C17orf75: variants seen among roughly 807,000 people sequenced by gnomAD.
The protein encoded by C17orf75 is protein Njmu-R1.
Under a neutral mutation model 49.6 loss-of-function variants are expected in C17orf75, and 32 were observed. The observed-to-expected ratio is 0.65, with a 90% CI of 0.49 to 0.87. The LOEUF is 0.87. C17orf75 is among the 40% of genes least tolerant of loss of function. C17orf75 has a pLI of 0.00. For missense variants in C17orf75, 428 were observed against 473.9 expected (o/e 0.90, Z 0.90); for synonymous variants, 158 against 159.5 (o/e 0.99, Z 0.07).
intron 1 of C17orf75, among the ~76,000 whole-genome samples, chr17:32,348,214 G>A (rs1421007307): frequency 2.6e-5 from 4 of 151,864 alleles, no homozygotes; most frequent in Non-Finnish European, 4.4e-5. Flanking sequence ...GTAAAGACCG[G>A]GTTTCACCAT....
At position 32,331,285 on chromosome 17, in the gene C17orf75, T is replaced by C. The variant is rs1386199929; in HGVS notation, c.*478A>G. ...GTTATCAACTAGACAAAAAAATGTA[T>C]CAAGCACCCACAGGATGCACAGATC... is the stretch of plus-strand genomic sequence containing the variant. On this transcript the variant is annotated 3_prime_UTR_variant, in exon 10 of 10. Coordinates refer to ENST00000577809, the MANE Select transcript of C17orf75 (RefSeq NM_022344.4). 6.5e-6 allele frequency: 1 copy of C among 153,450 alleles called. No homozygotes were observed. The allele number at this position is 153,450 out of a possible 1,614,324, so 9.5% of individuals were successfully genotyped here. A position where few individuals can be genotyped will look rare whatever the true frequency, so the allele number is the denominator to read the frequency against.
rs750868562 is a variant in C17orf75 at position 32,333,517 on chromosome 17, C to T, written c.875G>A (p.Ser292Asn). 1 of 1,608,656 alleles carries T rather than the reference C, an allele frequency of 6.2e-7. No individual in the cohort carries two copies. The highest frequency in any genetic ancestry group is 8.5e-7 in the Non-Finnish European group (1 of 1,177,434). Residue 292 changes from serine (S) to asparagine (N), a missense_variant, in exon 9 of 10, where the codon AGT becomes AAT. Coordinates refer to ENST00000577809, the MANE Select transcript of C17orf75 (RefSeq NM_022344.4). The stretch of plus-strand genomic sequence containing the variant: ...CATCCAATCCTCACAAAACCGGTTA[C>T]TTCCTATAAAACATTTCAGAGAGAC... Reference protein sequence around the residue: ...SSQPQFCNAGSNRFCEDWMQA... With the variant: ...SSQPQFCNAGNNRFCEDWMQA...
chr17:32,332,803 C>A (rs919969017), intron 9 of C17orf75, among the ~76,000 whole-genome samples: 4 of 151,982 alleles, frequency 2.6e-5, no homozygotes, highest in African/African-American at 9.7e-5. Context: ...GGTGACAACA[C>A]GTCCCCATCA....
chr17:32,343,746 T>G, upstream of C17orf75: 1 of 615,810 alleles, frequency 1.6e-6, no homozygotes, highest in African/African-American at 1.8e-5. Context: ...TCCTTATCTC[T>G]CATTTCAACT....
chr17:32,342,185 C>A (rs2041389017), upstream of C17orf75: 9 of 1,486,668 alleles, frequency 6.1e-6, no homozygotes, highest in East Asian at 2.5e-4. Flanking sequence ...AACCGCTCCC[C>A]TGCTCCCGTG....
rs2041255138 is a variant in C17orf75 at position 32,329,100 on chromosome 17, T to A, written c.*2663A>T. The A allele has an allele frequency of 6.6e-6, 1 of 151,336 alleles. No individual in the cohort carries two copies. Among genetic ancestry groups the A allele is most frequent in the Admixed American group, 6.6e-5 (1 of 15,152 alleles). The allele number at this position is 151,336 out of a possible 1,614,324, so 9.4% of individuals were successfully genotyped here. On this transcript the variant is annotated 3_prime_UTR_variant, in exon 10 of 10. Transcript: ENST00000577809. ...TTTTTTTTTTGAGACGGAGTCTCGCTCTGTCGCCCAGGCTTGAGTGCAGTG... is the reference window on the plus strand; with the variant it reads ...TTTTTTTTTTGAGACGGAGTCTCGCACTGTCGCCCAGGCTTGAGTGCAGTG...
upstream of C17orf75, among the ~76,000 whole-genome samples, chr17:32,343,305 GTT>G (rs71144816): frequency 4.2e-3 from 610 of 146,440 alleles, 4 homozygotes; most frequent in African/African-American, 0.013. Context: ...TGTGTTTTGT[GTT>G]TTTTTTTTTT....
chr17:32,334,454 G>A lies in C17orf75; in HGVS notation c.871+15C>T, dbSNP rs749227675. 1 of 1,608,210 alleles carries A rather than the reference G, an allele frequency of 6.2e-7. No homozygotes were observed. Among genetic ancestry groups the A allele is most frequent in the Non-Finnish European group, 8.5e-7 (1 of 1,177,524 alleles). ...CAAGAGATGTAGGAAGGCTGCTTCAGAGGTTGTAGCTCACCTGCATTGCAG... is the reference window on the plus strand; with the variant it reads ...CAAGAGATGTAGGAAGGCTGCTTCAAAGGTTGTAGCTCACCTGCATTGCAG... On this transcript the variant is annotated intron_variant, in intron 8 of 9. Coordinates refer to ENST00000577809, the MANE Select transcript of C17orf75 (RefSeq NM_022344.4).
intron 1 of C17orf75, chr17:32,341,700 C>G: frequency 3.2e-6 from 2 of 619,424 alleles, no homozygotes; most frequent in Non-Finnish European, 2.1e-6. Flanking sequence ...AATTATTGAG[C>G]ATGCGGGGCA....
At chr17:32,346,158 C>T (rs1382838431), upstream of C17orf75, among the ~76,000 whole-genome samples, 1 of 152,056 alleles carries the variant, frequency 6.6e-6, no homozygotes, top group Non-Finnish European at 1.5e-5. Context: ...TGGTGGCTCA[C>T]GCTTGTTAAT....
In C17orf75 at chr17:32,335,459, C is replaced by G. The variant is rs200232042; in HGVS notation, c.550-17G>C. The stretch of plus-strand genomic sequence containing the variant: ...GCCCCTTGCCTAAATCAAGAAAGAA[C>G]ATCATTTGCTTTAATATAAGCCTTT... On this transcript the variant is annotated splice_polypyrimidine_tract_variant and intron_variant, in intron 5 of 9. Coordinates refer to ENST00000577809, the MANE Select transcript of C17orf75 (RefSeq NM_022344.4). 1.9e-6 allele frequency: 3 copies of G among 1,611,338 alleles called. No individual in the cohort carries two copies. Among genetic ancestry groups the G allele is most frequent in the Non-Finnish European group, 2.5e-6 (3 of 1,179,128 alleles).
chr17:32,339,322 A>G (rs1038783486), intron 3 of C17orf75, among the ~76,000 whole-genome samples: 39 of 151,908 alleles, frequency 2.6e-4, no homozygotes, highest in African/African-American at 8.7e-4. Context: ...TACAAACTGT[A>G]TACAAATTTA....
chr17:32,349,327 A>T lies in C17orf75; in HGVS notation c.-7+615T>A, dbSNP rs114234217. Among the ~76,000 whole-genome samples, 973 of 152,078 alleles carry T rather than the reference A, an allele frequency of 6.4e-3. 9 individuals carry two copies. Among genetic ancestry groups the T allele is most frequent in the African/African-American group, 0.022 (905 of 41,494 alleles). ...GTCGGGCGCAGCGGCTCAAGCCTGCAATCCAGCACTTTGGGAGGCCGAGGC... is the reference window on the plus strand; with the variant it reads ...GTCGGGCGCAGCGGCTCAAGCCTGCTATCCAGCACTTTGGGAGGCCGAGGC... On this transcript the variant is annotated intron_variant, in intron 1 of 8. Coordinates refer to the C17orf75 transcript ENST00000583774.
chr17:32,346,574 TTTTTTTTG>T (rs946816043), upstream of C17orf75, among the ~76,000 whole-genome samples: 1 of 151,834 alleles, frequency 6.6e-6, no homozygotes, highest in Non-Finnish European at 1.5e-5. Flanking sequence ...TAACAGCAAT[TTTTTTTTG>T]TTTTTTTTTG....
upstream of C17orf75, chr17:32,342,242 T>C: frequency 7.3e-7 from 1 of 1,371,490 alleles, no homozygotes; most frequent in Non-Finnish European, 9.5e-7. Flanking sequence ...CTCGCACACC[T>C]GCGTTCCGCT....
Position 32,333,408 on chromosome 17 carries a change from A to G in C17orf75, c.975+9T>C, listed in dbSNP as rs377285577. 1.3e-6 allele frequency: 2 copies of G among 1,593,038 alleles called. No individual in the cohort carries two copies. The highest frequency in any genetic ancestry group is 2.2e-5 in the East Asian group (1 of 44,694). On this transcript the variant is annotated intron_variant, in intron 9 of 9. Coordinates refer to ENST00000577809, the MANE Select transcript of C17orf75 (RefSeq NM_022344.4). ...TCATGTGGCACTTGGCACACAGCCA[A>G]CTAATTACCTTTAGTTTAAAGTTCT...
At chr17:32,337,162 AAAAG>A (rs1286903046) in intron 5 of C17orf75, among the ~76,000 whole-genome samples, 1 of 151,240 alleles carries the variant, frequency 6.6e-6, no homozygotes, top group Non-Finnish European at 1.5e-5. Context: ...ATGAAAAAGA[AAAAG>A]AAACCACCTG....
At chr17:32,333,652 A>ACTCC in intron 8 of C17orf75, 132 bp from the exon 9 acceptor site, 1 of 736,574 alleles carries the variant, frequency 1.4e-6, no homozygotes, top group Non-Finnish European at 2.2e-6. Flanking sequence ...TATCGTTAGT[A>ACTCC]GAGATGGGGT....
At chr17:32,341,931 G>T (rs1409049686) in intron 1 of C17orf75, 69 bp downstream of exon 1, 7 of 1,208,234 alleles carry the variant, frequency 5.8e-6, no homozygotes, top group Non-Finnish European at 7.2e-6. Context: ...GGGGTGCAAG[G>T]CCGGGCGGCG....
Sources: allele counts gnomAD v4.1 joint callset (sites outside exome capture counted in the v4.1 genomes callset), GRCh38; gene constraint gnomAD v4.1.1; transcripts MANE v1.5; gene names NCBI Gene and HGNC (gene_info 2026-07-23, HGNC 2026-07-21).